Variants in UBFD1 observed in about 807,000 individuals in gnomAD.
The protein encoded by UBFD1 is ubiquitin family domain containing 1.
Under a neutral mutation model 35.1 loss-of-function variants are expected in UBFD1, and 12 were observed. That is an observed-to-expected ratio of 0.34 (90% confidence interval 0.22 to 0.55). The LOEUF is 0.55. Ranked by LOEUF, UBFD1 falls within the 20% of genes least tolerant of loss-of-function variation. The probability of loss-of-function intolerance (pLI) is 0.89; values close to 1 mark genes in which losing one functional copy is unlikely to be tolerated. For synonymous variants in UBFD1, 178 were observed against 167.6 expected, an observed-to-expected ratio of 1.06 and a Z score of -0.48; for missense variants, 337 against 410.8, an observed-to-expected ratio of 0.82 and a Z score of 1.55.
chr16:23,559,515 G>A lies in UBFD1; in HGVS notation c.403G>A (p.Glu135Lys), dbSNP rs754262095. 6.8e-6 allele frequency: 11 copies of A among 1,614,042 alleles called. 1 individual carries two copies. Among genetic ancestry groups the A allele is most frequent in the South Asian group, 2.2e-5 (2 of 91,018 alleles). ...AGTCATGTATAAGGGACTCGTCCCCGAGGATAAAACATTGAGAGAAATAAA... is the reference window on the plus strand; with the variant it reads ...AGTCATGTATAAGGGACTCGTCCCCAAGGATAAAACATTGAGAGAAATAAA... ...QKVMYKGLVP[E>K]DKTLREIKVT... The change falls in exon 3 of 7, where the codon GAG (glutamate) becomes AAG (lysine). Residue 135 changes from glutamate (E) to lysine (K), a missense_variant. Glu to Lys is a moderately conservative substitution (Grantham distance 56). This residue lies in a region of UBFD1 where 24 missense variants were observed against 53.7 expected (regional missense o/e 0.45). Transcript: ENST00000395878.
intron 6 of UBFD1, among the ~76,000 whole-genome samples, chr16:23,570,277 T>G (rs976871507): frequency 6.6e-6 from 1 of 152,216 alleles, no homozygotes; most frequent in African/African-American, 2.4e-5. Flanking sequence ...GTTTGAGAAC[T>G]GCTGCTTTAG....
rs1165413971 is a variant in UBFD1 at position 23,558,213 on chromosome 16, C to T, written c.289C>T (p.His97Tyr). Residue 97 changes from histidine (H) to tyrosine (Y), a missense_variant, in exon 2 of 7, where the codon CAT becomes TAT. Physicochemically the swap from His to Tyr is moderately conservative, Grantham distance 83. Around this residue, in one of 4 missense-constraint regions of UBFD1, gnomAD observed 198 missense variants for 168.4 expected, o/e 1.18. Transcript: ENST00000395878. ...GAAGATCATCTGGAATAAGACCAAG[C>T]ATGACGTGAAGTTCCCCCTGGACAG... ...DLKIIWNKTK[H>Y]DVKFPLDSTG... 6 of 1,610,902 alleles carry T rather than the reference C, an allele frequency of 3.7e-6. No individual in the cohort carries two copies. Among genetic ancestry groups the T allele is most frequent in the East Asian group, 2.2e-5 (1 of 44,518 alleles).
At position 23,557,933 on chromosome 16, in the gene UBFD1, C is replaced by G; in HGVS notation, c.26-17C>G. 2 of 1,330,012 alleles carry G rather than the reference C, an allele frequency of 1.5e-6. No homozygotes were observed. Among genetic ancestry groups the G allele is most frequent in the Non-Finnish European group, 1.9e-6 (2 of 1,040,626 alleles). 82.4% of individuals were successfully genotyped at this position (1,330,012 alleles called of 1,614,324 possible). ...GCCCAGCCCGCGGCGAGCGCCCACC[C>G]CCTAACCCCCTTGCAGGCATGGAGG... On this transcript the variant is annotated splice_polypyrimidine_tract_variant and intron_variant, in intron 1 of 6. Transcript: ENST00000395878.
chr16:23,557,739 C>A lies in UBFD1; in HGVS notation c.-4C>A, dbSNP rs1567395346. 1 of 1,327,160 alleles carries A rather than the reference C, an allele frequency of 7.5e-7. No homozygotes were observed. The highest frequency in any genetic ancestry group is 9.6e-7 in the Non-Finnish European group (1 of 1,037,438). The allele number at this position is 1,327,160 out of a possible 1,614,324, so 82.2% of individuals were successfully genotyped here. A position where few individuals can be genotyped will look rare whatever the true frequency, so the allele number is the denominator to read the frequency against. On this transcript the variant is annotated 5_prime_UTR_variant, in exon 1 of 7. Coordinates refer to ENST00000395878, the MANE Select transcript of UBFD1 (RefSeq NM_019116.3). ...GGGAGCGGTGGGTGTTGTACACAAT[C>A]ATCATGGCGGCGGCCGGGGCCCCGG... is the stretch of plus-strand genomic sequence containing the variant.
At chr16:23,568,800 C>T (rs1468596368) in intron 6 of UBFD1, 2 of 151,934 alleles carry the variant, frequency 1.3e-5, no homozygotes, top group Non-Finnish European at 2.9e-5. Context: ...TACACTCCAG[C>T]CTAGGTGACA....
intron 2 of UBFD1, 45 bp from the exon 3 acceptor site, chr16:23,559,423 C>A: frequency 1.3e-6 from 2 of 1,554,450 alleles, no homozygotes; most frequent in Non-Finnish European, 1.8e-6. Context: ...ATACATTTTT[C>A]TGTCCTTCCT....
At chr16:23,565,515 A>G (rs975246895) in intron 5 of UBFD1, 1 of 152,196 alleles carries the variant, frequency 6.6e-6, no homozygotes. Flanking sequence ...ATCTCCAGAC[A>G]TTTCAGGATG....
rs1965892520 is a variant in UBFD1, at chr16:23,559,292, ATCT to A, written c.356-172_356-170del. 3 of 588,668 alleles carry A rather than the reference ATCT, an allele frequency of 5.1e-6. No homozygotes were observed. In the South Asian group the frequency reaches 6.1e-5, roughly 12 times the overall value. The allele number at this position is 588,668 out of a possible 1,614,324, so 36.5% of individuals were successfully genotyped here. A position where few individuals can be genotyped will look rare whatever the true frequency, so the allele number is the denominator to read the frequency against. ...TGTACAGAAGGACTTACTCTAATAAATCTTCTACAGTTCTAGAAACTGAGGTTC... is the reference window on the plus strand; with the variant it reads ...TGTACAGAAGGACTTACTCTAATAAATCTACAGTTCTAGAAACTGAGGTTC... On this transcript the variant is annotated intron_variant, in intron 2 of 6. Coordinates refer to ENST00000395878, the MANE Select transcript of UBFD1 (RefSeq NM_019116.3).
intron 5 of UBFD1, among the ~76,000 whole-genome samples, chr16:23,563,367 G>A (rs1209469563): frequency 3.5e-5 from 5 of 144,500 alleles, no homozygotes; most frequent in Admixed American, 1.4e-4. Flanking sequence ...CCCCACCCCC[G>A]CCTGTGCACG....
chr16:23,560,005 A>C, intron 3 of UBFD1: 1 of 873,492 alleles, frequency 1.1e-6, no homozygotes, highest in Admixed American at 3.2e-5. Flanking sequence ...ACTAGAAGTA[A>C]GCCCTCATTT....
At chr16:23,557,816 T>C (rs1350716805) in intron 1 of UBFD1, 49 bp downstream of exon 1, 5 of 1,271,832 alleles carry the variant, frequency 3.9e-6, no homozygotes, top group Non-Finnish European at 5.0e-6. Context: ...GAGGTTGCGG[T>C]CGCTCCTCTG....
chr16:23,562,750 C>A lies in UBFD1; in HGVS notation c.736+20C>A. The A allele has an allele frequency of 1.2e-6, 2 of 1,607,466 alleles. No homozygotes were observed. The highest frequency in any genetic ancestry group is 1.7e-6 in the Non-Finnish European group (2 of 1,174,366). Reference sequence around the variant, plus strand: ...CTAAAGGTATGTTCTTCCTCGCCTCCTTGCTGGCCCACTGCCTGCCTCTGG... The same window carrying A: ...CTAAAGGTATGTTCTTCCTCGCCTCATTGCTGGCCCACTGCCTGCCTCTGG... On this transcript the variant is annotated intron_variant, in intron 5 of 6. Coordinates refer to ENST00000395878, the MANE Select transcript of UBFD1 (RefSeq NM_019116.3).
chr16:23,562,585 G>T (rs1483922103), intron 4 of UBFD1, 40 bp from the exon 5 acceptor site: 4 of 1,587,584 alleles, frequency 2.5e-6, no homozygotes, highest in Admixed American at 3.6e-5. Flanking sequence ...CTTTTTTTCT[G>T]ACTGTCCCTC....
At position 23,559,676 on chromosome 16, in the gene UBFD1, A is replaced by G. The variant is rs1965900232; in HGVS notation, c.564A>G (p.Lys188=). The change falls in exon 3 of 7, where the codon AAA becomes AAG. Residue 188 remains lysine (K), a splice_region_variant and synonymous_variant. Transcript: ENST00000395878. ...AGAAGGAGCCTCTCTGCAGGCAGAAAGTGAGTCCATCTTGTGCTTCTTGGT... is the reference window on the plus strand; with the variant it reads ...AGAAGGAGCCTCTCTGCAGGCAGAAGGTGAGTCCATCTTGTGCTTCTTGGT... ...ENKKEPLCRQ[K]QHRKVLDKGK... 1.9e-6 allele frequency: 3 copies of G among 1,614,118 alleles called. No individual in the cohort carries two copies. Among genetic ancestry groups the G allele is most frequent in the Non-Finnish European group, 2.5e-6 (3 of 1,180,036 alleles).
rs376840454 is a variant in UBFD1 at position 23,567,550 on chromosome 16, CTCT to C, written c.819+482_819+484del. On this transcript the variant is annotated intron_variant, in intron 6 of 6. Transcript: ENST00000395878. ...CTGAGGGCCTCGTGGGGAAGACGGG[CTCT>C]GTGGAGCGTCTATTCTGCATAGAAC... Among the ~76,000 whole-genome samples, 309 of 152,332 alleles carry C rather than the reference CTCT, an allele frequency of 2.0e-3. 2 individuals carry two copies. Among genetic ancestry groups the C allele is most frequent in the African/African-American group, 6.9e-3 (287 of 41,588 alleles).
chr16:23,561,827 T>C (rs1197694818), intron 3 of UBFD1: 1 of 168,536 alleles, frequency 5.9e-6, no homozygotes, highest in Non-Finnish European at 1.3e-5. Context: ...GTGGTGATTT[T>C]TTTTTTTTTT....
chr16:23,563,893 C>T (rs535070070), intron 5 of UBFD1: 1 of 152,352 alleles, frequency 6.6e-6, no homozygotes, highest in African/African-American at 2.4e-5. Flanking sequence ...TCTTCCAAGG[C>T]CCTACTTAAA....
intron 5 of UBFD1, chr16:23,565,003 G>C (rs1479534552): frequency 2.0e-5 from 3 of 152,172 alleles, no homozygotes; most frequent in African/African-American, 4.8e-5. Flanking sequence ...TGTTTTCTAG[G>C]GTTGAACAAG....
intron 3 of UBFD1, among the ~76,000 whole-genome samples, chr16:23,561,132 TATG>T (rs1482956137): frequency 6.6e-6 from 1 of 152,206 alleles, no homozygotes; most frequent in Non-Finnish European, 1.5e-5. Context: ...TGAGGCCAAT[TATG>T]ATGCATCACA....
Sources: gnomAD v4.1 joint callset for allele counts (sites outside exome capture counted in the v4.1 genomes callset) on GRCh38, gnomAD v4.1.1 for gene constraint, gnomAD v4.1.1 regional missense constraint, MANE v1.5 for transcripts, NCBI Gene and HGNC (gene_info 2026-07-23, HGNC 2026-07-21) for gene names.